The following PTPRT variants were observed in gnomAD, a reference collection of about 807,000 sequenced individuals.
PTPRT encodes the protein receptor-type tyrosine-protein phosphatase T.
PTPRT carries 56 observed loss-of-function variants against 176.8 expected under a neutral mutation model. The observed-to-expected ratio is 0.32, with a 90% CI of 0.26 to 0.40. The LOEUF (loss-of-function observed/expected upper bound fraction) is 0.40, where lower values mean the gene tolerates loss of function less well. PTPRT is among the 10% of genes least tolerant of loss of function. The pLI is 1.00. For missense variants in PTPRT, 1,540 were observed against 1,908.2 expected, an observed-to-expected ratio of 0.81 and a Z score of 3.60; for synonymous variants, 783 against 739.0, an observed-to-expected ratio of 1.06 and a Z score of -0.96.
chr20:42,624,004 G>GAAAAAAAAAAAAAAAAAA (rs2074245682), intron 7 of PTPRT, among the ~76,000 whole-genome samples: 1 of 97,810 alleles, frequency 1.0e-5, no homozygotes, highest in African/African-American at 6.8e-5. Flanking sequence ...CAAAACAATA[G>GAAAAAAAAAAAAAAAAAA]CAACAAACAA....
intron 1 of PTPRT, among the ~76,000 whole-genome samples, chr20:42,993,844 C>T (rs890982721): frequency 4.0e-5 from 6 of 151,880 alleles, no homozygotes; most frequent in Non-Finnish European, 8.8e-5. Context: ...GGTGATTGCC[C>T]TGACATCGCT....
chr20:43,072,537 G>C (rs1175644931), intron 1 of PTPRT, among the ~76,000 whole-genome samples: 1 of 152,064 alleles, frequency 6.6e-6, no homozygotes, highest in Non-Finnish European at 1.5e-5. Flanking sequence ...AAATCTGGCT[G>C]CAAACCTTAG....
chr20:42,157,631 C>CT (rs1165399007), intron 17 of PTPRT, among the ~76,000 whole-genome samples: 1 of 152,098 alleles, frequency 6.6e-6, no homozygotes, highest in Non-Finnish European at 1.5e-5. Context: ...TCTTCCCCCC[C>CT]CAATATTTCT....
chr20:42,828,410 A>C (rs2078032372), intron 2 of PTPRT, among the ~76,000 whole-genome samples: 1 of 152,230 alleles, frequency 6.6e-6, no homozygotes, highest in African/African-American at 2.4e-5. Context: ...ACAATGCAAT[A>C]GAAAAGAAAA....
intron 8 of PTPRT, among the ~76,000 whole-genome samples, chr20:42,468,756 G>T (rs2071142916): frequency 6.6e-6 from 1 of 152,160 alleles, no homozygotes; most frequent in South Asian, 2.1e-4. Context: ...TTAAAAAGGT[G>T]CCCTGAGCTG....
intron 6 of PTPRT, among the ~76,000 whole-genome samples, chr20:42,690,011 T>C (rs531520885): frequency 6.6e-6 from 1 of 152,188 alleles, no homozygotes; most frequent in East Asian, 1.9e-4. Context: ...CCAAATTAGA[T>C]GGAGGATGTT....
intron 7 of PTPRT, among the ~76,000 whole-genome samples, chr20:42,612,809 C>T (rs1252877137): frequency 2.0e-5 from 3 of 151,418 alleles, no homozygotes; most frequent in Non-Finnish European, 4.4e-5. Flanking sequence ...GAGAGACAAT[C>T]GATTAAATAA....
At chr20:42,742,536 A>G (rs906919880) in intron 6 of PTPRT, among the ~76,000 whole-genome samples, 1 of 152,136 alleles carries the variant, frequency 6.6e-6, no homozygotes, top group Non-Finnish European at 1.5e-5. Flanking sequence ...CAAATGTCAC[A>G]GCAGGAGGGG....
At position 42,291,403 on chromosome 20, in the gene PTPRT, A is replaced by G. The variant is rs893660666; in HGVS notation, c.2140-8878T>C. 2.0e-5 allele frequency among the ~76,000 whole-genome samples: 3 copies of G among 152,170 alleles called. No homozygotes were observed. In the East Asian group the frequency reaches 5.8e-4, roughly 29 times the overall value. On this transcript the variant is annotated intron_variant, in intron 12 of 30. Transcript: ENST00000373187. ...AGTATCTAATTAAAAGTTGCAATAA[A>G]CACTGGGAGATATGCAATAAACACA...
At chr20:42,994,825 G>T (rs1271995897) in intron 1 of PTPRT, among the ~76,000 whole-genome samples, 1 of 152,196 alleles carries the variant, frequency 6.6e-6, no homozygotes, top group South Asian at 2.1e-4. Context: ...AACTTCAATG[G>T]TGATGTCTGA....
chr20:43,101,491 C>T (rs897462066), intron 1 of PTPRT, among the ~76,000 whole-genome samples: 1 of 152,180 alleles, frequency 6.6e-6, no homozygotes, highest in East Asian at 1.9e-4. Flanking sequence ...GATTTTAATG[C>T]GTACCTCATA....
intron 4 of PTPRT, among the ~76,000 whole-genome samples, chr20:42,773,956 C>T (rs531728331): frequency 1.3e-5 from 2 of 152,338 alleles, no homozygotes; most frequent in African/African-American, 4.8e-5. Context: ...ATGTCCCCAG[C>T]ATGCCTCTGA....
intron 7 of PTPRT, among the ~76,000 whole-genome samples, chr20:42,651,589 G>A (rs1434750050): frequency 6.6e-6 from 1 of 152,198 alleles, no homozygotes; most frequent in African/African-American, 2.4e-5. Context: ...GCCTTGAGCA[G>A]TTGCCTTTTC....
At chr20:42,461,908 C>T (rs1601069405) in intron 8 of PTPRT, among the ~76,000 whole-genome samples, 1 of 148,764 alleles carries the variant, frequency 6.7e-6, no homozygotes, top group Non-Finnish European at 1.5e-5. Context: ...GGGAGAAATA[C>T]AGCTTGTGTG....
At chr20:43,182,558 T>C (rs1481205308) in intron 1 of PTPRT, among the ~76,000 whole-genome samples, 3 of 152,152 alleles carry the variant, frequency 2.0e-5, no homozygotes, top group Non-Finnish European at 4.4e-5. Flanking sequence ...ACCCGGCTAA[T>C]TTTTGTATTT....
chr20:43,176,320 C>A (rs1395923090), intron 1 of PTPRT, among the ~76,000 whole-genome samples: 1 of 152,148 alleles, frequency 6.6e-6, no homozygotes, highest in Non-Finnish European at 1.5e-5. Context: ...TGTACTCTAG[C>A]CTGGCAACAG....
chr20:42,314,053 T>C (rs548803172), intron 12 of PTPRT, among the ~76,000 whole-genome samples: 15 of 152,204 alleles, frequency 9.9e-5, no homozygotes, highest in Non-Finnish European at 1.5e-5. Flanking sequence ...CTTCACCAAA[T>C]CTTGCTTCTG....
chr20:42,638,428 G>A (rs1046167855), intron 7 of PTPRT, among the ~76,000 whole-genome samples: 1 of 152,024 alleles, frequency 6.6e-6, no homozygotes, highest in East Asian at 1.9e-4. Context: ...TGCTCTACAT[G>A]TATTATGGGG....
At chr20:42,717,350 AACCCT>A (rs2076241077) in intron 6 of PTPRT, among the ~76,000 whole-genome samples, 4 of 152,224 alleles carry the variant, frequency 2.6e-5, no homozygotes, top group African/African-American at 9.6e-5. Flanking sequence ...ATCCAAAATA[AACCCT>A]TACATATGCA....
Sources: allele counts gnomAD v4.1 joint callset (sites outside exome capture counted in the v4.1 genomes callset), GRCh38; gene constraint gnomAD v4.1.1; transcripts MANE v1.5; gene names NCBI Gene and HGNC (gene_info 2026-07-23, HGNC 2026-07-21).